RPL31: variants seen among roughly 807,000 people sequenced by gnomAD.
RPL31 encodes the protein ribosomal protein L31.
For missense variants in RPL31, 95 were observed against 164.0 expected (o/e 0.58, Z 2.30); for synonymous variants, 51 against 55.0 (o/e 0.93, Z 0.32).
intron 1 of RPL31, 99 bp downstream of exon 1, chr2:101,002,414 G>A (rs1334017922): frequency 4.8e-6 from 2 of 418,234 alleles, no homozygotes; most frequent in East Asian, 4.6e-5. Context: ...GAGCCAGCCC[G>A]GGGCTCCGGT....
downstream of RPL31, chr2:101,011,187 G>A: frequency 2.8e-6 from 2 of 721,554 alleles, 1 homozygote; most frequent in South Asian, 3.8e-5. Flanking sequence ...GCCAGTGGGT[G>A]GTAACTGGGG....
downstream of RPL31, among the ~76,000 whole-genome samples, chr2:101,009,882 T>C (rs12996506): frequency 1.3e-5 from 2 of 149,684 alleles, no homozygotes; most frequent in Admixed American, 6.7e-5. Flanking sequence ...AGTGCAGTGG[T>C]GCGATCTCGG....
chr2:101,017,947 C>T (rs1679775064), intron 4 of RPL31: 2 of 1,549,812 alleles, frequency 1.3e-6, no homozygotes, highest in Admixed American at 2.0e-5. Context: ...ATTTTCTTCT[C>T]TACTTGGTGA....
chr2:101,008,961 T>G (rs907145144), downstream of RPL31, among the ~76,000 whole-genome samples: 4 of 152,174 alleles, frequency 2.6e-5, no homozygotes, highest in Admixed American at 2.0e-4. Context: ...AGGACCTAAA[T>G]GTAAAATGAA....
At chr2:101,006,094 C>G (rs1678722134) in intron 4 of RPL31, 23 bp downstream of exon 4, 1 of 1,606,842 alleles carries the variant, frequency 6.2e-7, no homozygotes, top group Non-Finnish European at 8.5e-7. Context: ...TCCCATAAAG[C>G]CATTTAAATT....
chr2:101,016,998 C>T (rs1679697328), intron 4 of RPL31, among the ~76,000 whole-genome samples: 2 of 151,574 alleles, frequency 1.3e-5, no homozygotes, highest in Non-Finnish European at 2.9e-5. Context: ...ATGGGTGCAG[C>T]ACACCAGCAT....
rs1188115694 is a variant in RPL31 at position 101,002,455 on chromosome 2, A to AAAGGCTCTGT, written c.-1+147_-1+148insTGTAAGGCTC. On this transcript the variant is annotated intron_variant, in intron 1 of 4. Coordinates refer to ENST00000264258, the MANE Select transcript of RPL31 (RefSeq NM_000993.5). ...GGAGATGGGAATACACCCTGCTTTT[A>AAAGGCTCTGT]AAGGCTCCCAGAGCCTGAGGAAGAA... 5.6e-5 allele frequency: 31 copies of AAAGGCTCTGT among 550,566 alleles called. No homozygotes were observed. In the East Asian group the frequency reaches 9.4e-4, roughly 17 times the overall value. The allele number at this position is 550,566 out of a possible 1,614,324, so 34.1% of individuals were successfully genotyped here.
At chr2:101,007,726 T>G, downstream of RPL31, 1 of 1,302,534 alleles carries the variant, frequency 7.7e-7, no homozygotes, top group Middle Eastern at 1.9e-4. Context: ...ATTGGTAAGG[T>G]AGACTGAAAT....
downstream of RPL31, among the ~76,000 whole-genome samples, chr2:101,010,755 G>A (rs1679141685): frequency 6.6e-6 from 1 of 151,780 alleles, no homozygotes; most frequent in Non-Finnish European, 1.5e-5. Flanking sequence ...GGTTGCACAC[G>A]CCTGTAATCC....
chr2:101,019,282 C>A, exon 5 of RPL31: 1 of 404,862 alleles, frequency 2.5e-6, no homozygotes, highest in East Asian at 3.6e-5. Context: ...CACACAAATT[C>A]ACATTTGATG....
At position 101,006,332 on chromosome 2, in the gene RPL31, CTG is replaced by C. The variant is rs1558959316; in HGVS notation, c.347-16_347-15del. ...AATGTGATGTGGGTATGGAAATTGA[CTG>C]TTACTTCCTTTACAGATCTACAGAC... On this transcript the variant is annotated splice_polypyrimidine_tract_variant and intron_variant, in intron 4 of 4. Transcript: ENST00000264258. The C allele has an allele frequency of 6.2e-7, 1 of 1,607,180 alleles. No individual in the cohort carries two copies. The highest frequency in any genetic ancestry group is 1.3e-5 in the African/African-American group (1 of 74,718).
chr2:101,010,881 CAAAAA>C (rs35511736), downstream of RPL31: 29 of 1,305,820 alleles, frequency 2.2e-5, no homozygotes, highest in South Asian at 2.6e-5. Flanking sequence ...GACTCCATCT[CAAAAA>C]AAAAAAAAAA....
At chr2:101,017,723 C>A in intron 4 of RPL31, 2 of 931,504 alleles carry the variant, frequency 2.1e-6, no homozygotes, top group South Asian at 1.6e-5. Context: ...TGGTACATCA[C>A]TTTATCACAG....
At chr2:101,003,177 T>C (rs2105347783) in intron 2 of RPL31, among the ~76,000 whole-genome samples, 1 of 152,354 alleles carries the variant, frequency 6.6e-6, no homozygotes, top group East Asian at 1.9e-4. Flanking sequence ...CGCTTAATCA[T>C]ACCGGGCATG....
chr2:101,004,444 G>A (rs1326446502), intron 3 of RPL31, 161 bp downstream of exon 3: 16 of 713,728 alleles, frequency 2.2e-5, no homozygotes, highest in Non-Finnish European at 3.3e-5. Context: ...GTATCTGCAG[G>A]GAAGCCCCTT....
intron 2 of RPL31, among the ~76,000 whole-genome samples, chr2:101,003,431 C>G (rs1678613658): frequency 6.6e-6 from 1 of 152,144 alleles, no homozygotes; most frequent in African/African-American, 2.4e-5. Context: ...CCGGACCCCG[C>G]CACCACACCT....
chr2:101,004,503 A>G lies in RPL31; in HGVS notation c.233+220A>G, dbSNP rs559820663. On this transcript the variant is annotated intron_variant, in intron 3 of 4. Coordinates refer to ENST00000264258, the MANE Select transcript of RPL31 (RefSeq NM_000993.5). ...ACCCAAGGGAAGGAGCCAGCAGTGT[A>G]GGGTGGGAAAGAGCATTGCAGAGAG... 6 of 525,416 alleles carry G rather than the reference A, an allele frequency of 1.1e-5. No individual in the cohort carries two copies. In the South Asian group the frequency reaches 1.6e-4, roughly 14 times the overall value. The allele number at this position is 525,416 out of a possible 1,614,324, so 32.5% of individuals were successfully genotyped here. A position where few individuals can be genotyped will look rare whatever the true frequency, so the allele number is the denominator to read the frequency against.
Position 101,014,554 on chromosome 2 carries a change from G to A in RPL31, c.347-4444G>A, listed in dbSNP as rs150187829. 5.2e-3 allele frequency among the ~76,000 whole-genome samples: 799 copies of A among 152,244 alleles called. 6 individuals carry two copies. Among genetic ancestry groups the A allele is most frequent in the Non-Finnish European group, 9.7e-3 (660 of 68,016 alleles). On this transcript the variant is annotated intron_variant, in intron 4 of 4. Coordinates refer to the RPL31 transcript ENST00000409028. ...AATGACTGTTTTTTCCCTGAGGGAG[G>A]CTCTTAATCCTGGCTGGATTCATCA...
At position 101,018,919 on chromosome 2, in the gene RPL31, T is replaced by A. The variant is rs886472250; in HGVS notation, c.347-79T>A. 11 of 1,549,740 alleles carry A rather than the reference T, an allele frequency of 7.1e-6. No homozygotes were observed. The African/African-American group carries it at 1.5e-4, about 21-fold the overall frequency. ...ATCAATCTGCAGTGAAAACTGTTGA[T>A]GTCCTAATCTTCTGGAATGCTCTTC... On this transcript the variant is annotated intron_variant, in intron 4 of 4. Transcript: ENST00000409028.
Sources: gnomAD v4.1 joint callset for allele counts (sites outside exome capture counted in the v4.1 genomes callset) on GRCh38, gnomAD v4.1.1 for gene constraint, MANE v1.5 for transcripts, NCBI Gene and HGNC (gene_info 2026-07-23, HGNC 2026-07-21) for gene names.